Variants in CNOT3 observed in about 807,000 individuals in gnomAD.
CNOT3 encodes the protein CCR4-NOT transcription complex subunit 3.
CNOT3 carries 2 observed loss-of-function variants against 89.4 expected under a neutral mutation model. The observed-to-expected ratio is 0.02, with a 90% CI of 0.01 to 0.07. The LOEUF (loss-of-function observed/expected upper bound fraction) is 0.07. Ranked by LOEUF, CNOT3 falls within the 10% of genes least tolerant of loss-of-function variation. The pLI, the probability that CNOT3 is intolerant of heterozygous loss-of-function variation, is 1.00. For synonymous variants in CNOT3, 486 were observed against 402.0 expected, an observed-to-expected ratio of 1.21 and a Z score of -2.50; for missense variants, 664 against 1,010.2, an observed-to-expected ratio of 0.66 and a Z score of 4.65.
rs748387536 is a variant in CNOT3 at position 54,146,560 on chromosome 19, C to A, written c.838-41C>A. On this transcript the variant is annotated intron_variant, in intron 9 of 17. Coordinates refer to ENST00000221232, the MANE Select transcript of CNOT3 (RefSeq NM_014516.4). Reference sequence around the variant, plus strand: ...GATTGGCGGTTCTCCATCAGAGCCCCAGAGGTCACACAGGTTTCTATTCTG... The same window carrying A: ...GATTGGCGGTTCTCCATCAGAGCCCAAGAGGTCACACAGGTTTCTATTCTG... 32 of 985,348 alleles carry A rather than the reference C, an allele frequency of 3.2e-5. 1 individual carries two copies. The South Asian group carries it at 3.8e-4, about 12-fold the overall frequency. The allele number at this position is 985,348 out of a possible 1,614,324, so 61.0% of individuals were successfully genotyped here. A position where few individuals can be genotyped will look rare whatever the true frequency, so the allele number is the denominator to read the frequency against.
At chr19:54,152,198 C>G (rs780571194) in intron 13 of CNOT3, 28 bp from the exon 14 acceptor site, 2 of 1,612,226 alleles carry the variant, frequency 1.2e-6, no homozygotes, top group Admixed American at 3.3e-5. Flanking sequence ...CCCAAGTGCT[C>G]AGGCCAGGCC....
chr19:54,152,143 G>A, intron 13 of CNOT3, 83 bp from the exon 14 acceptor site: 1 of 1,471,818 alleles, frequency 6.8e-7, no homozygotes. Flanking sequence ...AACAGGGCAG[G>A]TGAGAGCATC....
intron 10 of CNOT3, among the ~76,000 whole-genome samples, chr19:54,147,754 C>T (rs2074763094): frequency 6.6e-6 from 1 of 152,162 alleles, no homozygotes; most frequent in East Asian, 1.9e-4. Context: ...GCTGTTTTTC[C>T]TTCTACTCTT....
At position 54,152,881 on chromosome 19, in the gene CNOT3, G is replaced by A. The variant is rs1233346652; in HGVS notation, c.1919G>A (p.Arg640Gln). ...TGCTCTCACAGGCAGTACCTCCCCCGGAACCCCTGTCCGACGCCCCCCTAC... is the reference window on the plus strand; with the variant it reads ...TGCTCTCACAGGCAGTACCTCCCCCAGAACCCCTGTCCGACGCCCCCCTAC... ...DSERIRQYLPRNPCPTPPYHH... is the reference protein window; with the variant it reads ...DSERIRQYLPQNPCPTPPYHH... Residue 640 changes from arginine to glutamine, a missense_variant, in exon 16 of 18, where the codon CGG becomes CAG. Physicochemically the swap from Arg to Gln is conservative, Grantham distance 43. Coordinates refer to ENST00000221232, the MANE Select transcript of CNOT3 (RefSeq NM_014516.4). 7 of 1,478,930 alleles carry A rather than the reference G, an allele frequency of 4.7e-6. No individual in the cohort carries two copies. Among genetic ancestry groups the A allele is most frequent in the Admixed American group, 1.9e-5 (1 of 52,702 alleles). 91.6% of individuals were successfully genotyped at this position (1,478,930 alleles called of 1,614,324 possible).
rs1279058658 is a variant in CNOT3, at chr19:54,144,896, G to A, written c.483+564G>A. ...CCAGAAAGACAGGGAGGGGAGAGCC[G>A]GGTCCTCAGGGAAGCTGTGGGTGGG... is the stretch of plus-strand genomic sequence containing the variant. On this transcript the variant is annotated intron_variant, in intron 7 of 17. Coordinates refer to ENST00000221232, the MANE Select transcript of CNOT3 (RefSeq NM_014516.4). The surrounding 1 kb of genome is among the most constrained non-coding windows in gnomAD (Gnocchi z 4.8). 6.6e-6 allele frequency among the ~76,000 whole-genome samples: 1 copy of A among 152,146 alleles called. No individual in the cohort carries two copies. The highest frequency in any genetic ancestry group is 6.5e-5 in the Admixed American group (1 of 15,276).
chr19:54,146,526 G>A (rs2146606590), intron 9 of CNOT3, 75 bp from the exon 10 acceptor site: 1 of 807,456 alleles, frequency 1.2e-6, no homozygotes, highest in Non-Finnish European at 2.3e-6. Context: ...GGTCCCCGGG[G>A]CATTCAGAGA....
rs1469128604 is a variant in CNOT3, at chr19:54,148,627, C to T, written c.1290C>T (p.Ser430=). Residue 430 remains serine (S), a synonymous_variant, in exon 12 of 18, where the codon AGC becomes AGT. Transcript: ENST00000221232. This position sits in a 1 kb window ranked among gnomAD's most constrained non-coding sequence, Gnocchi z 6.3. The stretch of plus-strand genomic sequence containing the variant: ...TTTACTCTTTGTTCCCAGGTTACAG[C>T]TCAGTTGTGGCAGACAGCCCGGCAG... ...AGKQNGATSY[S]SVVADSPAEV... 1 of 1,610,502 alleles carries T rather than the reference C, an allele frequency of 6.2e-7. No individual in the cohort carries two copies. Among genetic ancestry groups the T allele is most frequent in the Non-Finnish European group, 8.5e-7 (1 of 1,178,570 alleles).
At chr19:54,139,533 G>A (rs1452574036) in intron 1 of CNOT3, among the ~76,000 whole-genome samples, 1 of 152,104 alleles carries the variant, frequency 6.6e-6, no homozygotes, top group Non-Finnish European at 1.5e-5. Context: ...CTTTCTTGGT[G>A]TCACCTCCCC....
intron 3 of CNOT3, 38 bp downstream of exon 3, chr19:54,143,224 AGAG>A: frequency 6.3e-7 from 1 of 1,581,192 alleles, no homozygotes; most frequent in East Asian, 2.2e-5. Flanking sequence ...GGGTCTTCAG[AGAG>A]GAGGGCACAG....
Position 54,145,074 on chromosome 19 carries a change from G to A in CNOT3, c.484-524G>A, listed in dbSNP as rs1341064476. Among the ~76,000 whole-genome samples the A allele has an allele frequency of 5.9e-5, 9 of 152,126 alleles. No individual in the cohort carries two copies. Among genetic ancestry groups the A allele is most frequent in the African/African-American group, 2.2e-4 (9 of 41,400 alleles). ...AAATCCTAAAGGGGCCTTGAGGGGA[G>A]GGCAGGAGCGAGGCTTAGGAATCTG... On this transcript the variant is annotated intron_variant, in intron 7 of 17. Transcript: ENST00000221232. The surrounding 1 kb of genome is among the most constrained non-coding windows in gnomAD (Gnocchi z 5.9).
At chr19:54,139,659 G>T (rs959580362) in intron 1 of CNOT3, among the ~76,000 whole-genome samples, 2 of 152,126 alleles carry the variant, frequency 1.3e-5, no homozygotes, top group African/African-American at 4.8e-5. Flanking sequence ...TCGGATGCAG[G>T]TGCCCCCGGC....
chr19:54,148,533 C>T lies in CNOT3; in HGVS notation c.1280C>T (p.Thr427Ile). ...GGGGCTGGCAAGCAGAATGGCGCCA[C>T]CAGTGAGTGAGGAGGCAGCGGGGTG... ...GGGAGKQNGA[T>I]SYSSVVADSP... The change falls in exon 11 of 18, where the codon ACC becomes ATC. Residue 427 changes from threonine to isoleucine, a missense_variant and splice_region_variant. Thr to Ile is a moderately conservative substitution (Grantham distance 89). Around this residue, in one of 8 missense-constraint regions of CNOT3, gnomAD observed 545 missense variants for 566.2 expected, o/e 0.96. Coordinates refer to ENST00000221232, the MANE Select transcript of CNOT3 (RefSeq NM_014516.4). The surrounding 1 kb of genome is among the most constrained non-coding windows in gnomAD (Gnocchi z 6.3). The T allele has an allele frequency of 2.6e-6, 4 of 1,564,520 alleles. No individual in the cohort carries two copies. The highest frequency in any genetic ancestry group is 3.5e-6 in the Non-Finnish European group (4 of 1,151,336).
intron 17 of CNOT3, 150 bp from the exon 18 acceptor site, chr19:54,155,159 G>A: frequency 3.8e-6 from 3 of 782,114 alleles, no homozygotes; most frequent in Non-Finnish European, 6.0e-6. Flanking sequence ...AGAACCTTGT[G>A]AGGATGGATG....
intron 1 of CNOT3, among the ~76,000 whole-genome samples, chr19:54,140,328 G>A (rs587765869): frequency 1.9e-4 from 29 of 152,164 alleles, no homozygotes; most frequent in African/African-American, 6.0e-4. Flanking sequence ...CTCCTGGGCC[G>A]AGGTTCCCAG....
intron 9 of CNOT3, 78 bp from the exon 10 acceptor site, chr19:54,146,523 G>A (rs1315923735): frequency 2.0e-5 from 16 of 801,380 alleles, no homozygotes; most frequent in African/African-American, 5.0e-5. Flanking sequence ...CCAGGTCCCC[G>A]GGGCATTCAG....
chr19:54,138,229 G>T (rs1297230332), intron 1 of CNOT3, among the ~76,000 whole-genome samples: 4 of 151,240 alleles, frequency 2.6e-5, no homozygotes, highest in Non-Finnish European at 5.9e-5. Context: ...CCTCCCGGGG[G>T]TCCTTCCGCG....
chr19:54,152,369 G>A (rs2075167720), intron 14 of CNOT3, 44 bp downstream of exon 14: 4 of 1,613,814 alleles, frequency 2.5e-6, no homozygotes, highest in African/African-American at 2.7e-5. Flanking sequence ...CCAAAGAGGA[G>A]GGGCTGCCCC....
chr19:54,144,770 A>G lies in CNOT3; in HGVS notation c.483+438A>G, dbSNP rs1377484250. 6.6e-6 allele frequency among the ~76,000 whole-genome samples: 1 copy of G among 152,200 alleles called. No individual in the cohort carries two copies. Among genetic ancestry groups the G allele is most frequent in the African/African-American group, 2.4e-5 (1 of 41,446 alleles). ...CAGAGAACCAGGCCTGAAGGAAGAC[A>G]GGAGTCTGGGACAAAGCTGGATGTT... On this transcript the variant is annotated intron_variant, in intron 7 of 17. Transcript: ENST00000221232. This position sits in a 1 kb window ranked among gnomAD's most constrained non-coding sequence, Gnocchi z 4.8.
In CNOT3 at chr19:54,148,479, G is replaced by A. The variant is rs758848913; in HGVS notation, c.1226G>A (p.Ser409Asn). 1.2e-5 allele frequency: 19 copies of A among 1,561,046 alleles called. No individual in the cohort carries two copies. In the East Asian group the frequency reaches 2.1e-4, roughly 17 times the overall value. Residue 409 changes from serine to asparagine, a missense_variant, in exon 11 of 18, where the codon AGC (serine) becomes AAC (asparagine). Physicochemically the swap from Ser to Asn is conservative, Grantham distance 46. Coordinates refer to ENST00000221232, the MANE Select transcript of CNOT3 (RefSeq NM_014516.4). The surrounding 1 kb of genome is among the most constrained non-coding windows in gnomAD (Gnocchi z 6.3). Reference protein sequence around the residue: ...GGGGSGGGGSSSSSNSSAGGG... With the variant: ...GGGGSGGGGSNSSSNSSAGGG... ...GGCGGCAGCGGAGGCGGAGGGAGCA[G>A]CAGCAGTAGTAACAGCAGTGCCGGT... is the stretch of plus-strand genomic sequence containing the variant.
Sources: gnomAD v4.1 joint callset for allele counts (sites outside exome capture counted in the v4.1 genomes callset) on GRCh38, gnomAD v4.1.1 for gene constraint, gnomAD v4.1.1 regional missense constraint, Gnocchi (gnomAD v3.1) non-coding constraint, MANE v1.5 for transcripts, NCBI Gene and HGNC (gene_info 2026-07-23, HGNC 2026-07-21) for gene names.